FAT3: variants seen among roughly 807,000 people sequenced by gnomAD.
The protein encoded by FAT3 is FAT atypical cadherin 3.
FAT3 carries 95 observed loss-of-function variants against 310.2 expected under a neutral mutation model. The ratio of observed to expected loss-of-function variants is 0.31; its 90% CI spans 0.26 to 0.36. FAT3 has a LOEUF of 0.36. Ranked by LOEUF, FAT3 falls within the 10% of genes least tolerant of loss-of-function variation. The probability of loss-of-function intolerance (pLI) is 1.00; values close to 1 mark genes in which losing one functional copy is unlikely to be tolerated. For missense variants in FAT3, 5,408 were observed against 5,715.6 expected, an observed-to-expected ratio of 0.95 and a Z score of 1.74; for synonymous variants, 2,314 against 2,192.9, an observed-to-expected ratio of 1.06 and a Z score of -1.54.
intron 2 of FAT3, among the ~76,000 whole-genome samples, chr11:92,412,421 T>TTTTTTTTTA (rs1950295710): frequency 1.4e-5 from 2 of 140,272 alleles, no homozygotes; most frequent in African/African-American, 2.7e-5. Context: ...TTTTTTTTTT[T>TTTTTTTTTA]GAGAGTTTAC....
chr11:92,306,701 C>T (rs1173627251), intron 1 of FAT3, among the ~76,000 whole-genome samples: 4 of 117,244 alleles, frequency 3.4e-5, no homozygotes, highest in Non-Finnish European at 5.0e-5. Context: ...GGAAGAGGCT[C>T]ATAAATATAT....
intron 3 of FAT3, among the ~76,000 whole-genome samples, chr11:92,550,894 C>T (rs1381702703): frequency 1.3e-5 from 2 of 151,704 alleles, no homozygotes; most frequent in African/African-American, 2.4e-5. Context: ...AAGGAGTGCC[C>T]TTCCATATTG....
intron 3 of FAT3, among the ~76,000 whole-genome samples, chr11:92,686,398 GC>G (rs1943635815): frequency 6.6e-6 from 1 of 152,168 alleles, no homozygotes; most frequent in Admixed American, 6.6e-5. Context: ...AAATTGAAGT[GC>G]TCTGCAAATG....
rs1361033305 is a variant in FAT3 at position 92,547,564 on chromosome 11, G to A, written c.3607+22616G>A. ...AGGTTTGAAATTTTTAGTTGTTTCA[G>A]CCCTCTGAGTACCAGCACGAGGTAG... On this transcript the variant is annotated intron_variant, in intron 3 of 27. Coordinates refer to ENST00000525166, the MANE Select transcript of FAT3 (RefSeq NM_001367949.2). Among the ~76,000 whole-genome samples the A allele has an allele frequency of 2.6e-5, 4 of 152,000 alleles. No individual in the cohort carries two copies. The South Asian group carries it at 6.2e-4, about 24-fold the overall frequency.
chr11:92,445,674 T>C (rs1951191773), intron 2 of FAT3, among the ~76,000 whole-genome samples: 1 of 152,154 alleles, frequency 6.6e-6, no homozygotes. Context: ...AGTGTATATA[T>C]GTGTGTATGC....
intron 19 of FAT3, among the ~76,000 whole-genome samples, chr11:92,847,215 G>A (rs1328722744): frequency 2.0e-5 from 3 of 152,166 alleles, no homozygotes; most frequent in Non-Finnish European, 2.9e-5. Context: ...AGTCCCATAC[G>A]ATTATAATAC....
intron 2 of FAT3, among the ~76,000 whole-genome samples, chr11:92,501,019 T>C (rs567252398): frequency 3.9e-5 from 6 of 152,192 alleles, no homozygotes; most frequent in African/African-American, 1.4e-4. Context: ...ACATTCCCTA[T>C]GTTCATTGCA....
intron 19 of FAT3, among the ~76,000 whole-genome samples, chr11:92,854,362 G>T (rs1948915236): frequency 6.6e-6 from 1 of 152,164 alleles, no homozygotes; most frequent in Admixed American, 6.5e-5. Flanking sequence ...TGGCTGGGCA[G>T]CTGTGGCTGT....
chr11:92,563,816 A>C (rs1207008320), intron 3 of FAT3, among the ~76,000 whole-genome samples: 2 of 152,128 alleles, frequency 1.3e-5, no homozygotes. Flanking sequence ...GAAATAAAAT[A>C]CTTTACAGAC....
chr11:92,463,614 C>T (rs1951687662), intron 2 of FAT3, among the ~76,000 whole-genome samples: 1 of 152,140 alleles, frequency 6.6e-6, no homozygotes, highest in Admixed American at 6.6e-5. Flanking sequence ...TCAGAATTGA[C>T]TTGGGGAGTT....
At chr11:92,516,120 C>A (rs1953474140) in intron 2 of FAT3, among the ~76,000 whole-genome samples, 1 of 152,112 alleles carries the variant, frequency 6.6e-6, no homozygotes, top group African/African-American at 2.4e-5. Context: ...AAGAGGGACT[C>A]TTCCCTAACT....
intron 2 of FAT3, among the ~76,000 whole-genome samples, chr11:92,428,314 C>CA (rs1204153889): frequency 0.039 from 4,897 of 126,942 alleles, 227 homozygotes; most frequent in African/African-American, 0.12. Flanking sequence ...TTAATCTTTT[C>CA]AAAAAAAAAA....
chr11:92,577,669 G>A (rs1453754190), intron 3 of FAT3, among the ~76,000 whole-genome samples: 1 of 152,036 alleles, frequency 6.6e-6, no homozygotes, highest in African/African-American at 2.4e-5. Context: ...CCTCAAGAAA[G>A]GAAAGCTACT....
Position 92,895,585 on chromosome 11 carries a change from G to C in FAT3, c.*4472G>C, listed in dbSNP as rs1056508792. 7 of 152,074 alleles carry C rather than the reference G, an allele frequency of 4.6e-5. No individual in the cohort carries two copies. The highest frequency in any genetic ancestry group is 1.5e-5 in the Non-Finnish European group (1 of 68,022). The allele number at this position is 152,074 out of a possible 1,614,324, so 9.4% of individuals were successfully genotyped here. Reference sequence around the variant, plus strand: ...TTAGTATGTACTGTAGTACCCTTCTGGCAAACAAATAACTGAATTGCTACT... The same window carrying C: ...TTAGTATGTACTGTAGTACCCTTCTCGCAAACAAATAACTGAATTGCTACT... On this transcript the variant is annotated 3_prime_UTR_variant, in exon 28 of 28. Transcript: ENST00000525166.
At chr11:92,339,320 C>G (rs1420004702) in intron 1 of FAT3, among the ~76,000 whole-genome samples, 1 of 152,088 alleles carries the variant, frequency 6.6e-6, no homozygotes, top group Non-Finnish European at 1.5e-5. Context: ...AAAATTGCCC[C>G]TTACTCTATG....
At chr11:92,281,562 A>T (rs951325536) in intron 1 of FAT3, among the ~76,000 whole-genome samples, 39 of 152,130 alleles carry the variant, frequency 2.6e-4, no homozygotes, top group African/African-American at 9.4e-4. Context: ...TCACTGACTC[A>T]TTCATCTCTC....
At chr11:92,783,141 C>G (rs774604663) in intron 7 of FAT3, among the ~76,000 whole-genome samples, 4 of 151,734 alleles carry the variant, frequency 2.6e-5, no homozygotes, top group Admixed American at 6.6e-5. Context: ...GGGGAGATCA[C>G]GAGGTCAGGA....
chr11:92,658,079 T>G (rs761617037), intron 3 of FAT3, among the ~76,000 whole-genome samples: 8 of 152,236 alleles, frequency 5.3e-5, no homozygotes, highest in Non-Finnish European at 1.2e-4. Flanking sequence ...TAATGAATAT[T>G]AAGCATGAAT....
At chr11:92,275,359 C>T (rs1333186220) in intron 1 of FAT3, among the ~76,000 whole-genome samples, 2 of 152,108 alleles carry the variant, frequency 1.3e-5, no homozygotes, top group African/African-American at 2.4e-5. Context: ...ACTCCTGTGT[C>T]TGGATTTCTA....
Sources: gnomAD v4.1 joint callset for allele counts (sites outside exome capture counted in the v4.1 genomes callset) on GRCh38, gnomAD v4.1.1 for gene constraint, MANE v1.5 for transcripts, NCBI Gene and HGNC (gene_info 2026-07-23, HGNC 2026-07-21) for gene names.